The following TTN variants were observed in gnomAD, a reference collection of about 807,000 sequenced individuals.
TTN encodes connectin.
A neutral mutation model predicts 3,223.0 loss-of-function variants in TTN; 1,525 were observed. The observed-to-expected ratio is 0.47, with a 90% CI of 0.45 to 0.49. The LOEUF is 0.49. Among genes scored for constraint, TTN ranks in the 20% least tolerant of loss-of-function variants. The pLI is 0.00. For missense variants in TTN, 40,786 were observed against 43,424.0 expected (o/e 0.94, Z 5.40); for synonymous variants, 14,094 against 15,161.0 (o/e 0.93, Z 5.17).
chr2:178,622,971 G>A (rs2058520597), intron 242 of TTN, among the ~76,000 whole-genome samples: 1 of 151,822 alleles, frequency 6.6e-6, no homozygotes, highest in African/African-American at 2.4e-5. Flanking sequence ...ATAAAATTAT[G>A]TGGCATTCTA....
chr2:178,758,838 T>A lies in TTN; in HGVS notation c.10303+146A>T. 5 of 835,638 alleles carry A rather than the reference T, an allele frequency of 6.0e-6. 1 individual carries two copies. In the South Asian group the frequency reaches 7.5e-5, roughly 13 times the overall value. The allele number at this position is 835,638 out of a possible 1,614,324, so 51.8% of individuals were successfully genotyped here. ...AAGTGGTAAAGGAGAGGCGAGACCA[T>A]GGCATATAACAGGGAAATAATTAGT... is the stretch of plus-strand genomic sequence containing the variant. On this transcript the variant is annotated intron_variant, in intron 44 of 362. Coordinates refer to ENST00000589042, the MANE Select transcript of TTN (RefSeq NM_001267550.2).
At position 178,733,606 on chromosome 2, in the gene TTN, A is replaced by T. The variant is rs371673901; in HGVS notation, c.15775+8T>A. ...AGCAATTTGAGGTTTAAATGTTCCT[A>T]CACAAACCTTTAACTATTAATTCCC... On this transcript the variant is annotated splice_region_variant and intron_variant, in intron 53 of 362. Coordinates refer to ENST00000589042, the MANE Select transcript of TTN (RefSeq NM_001267550.2). 6.2e-7 allele frequency: 1 copy of T among 1,606,954 alleles called. No individual in the cohort carries two copies. The highest frequency in any genetic ancestry group is 8.5e-7 in the Non-Finnish European group (1 of 1,175,058).
chr2:178,621,576 C>T lies in TTN; in HGVS notation c.45248G>A (p.Arg15083Gln), dbSNP rs191551032. 2.3e-5 allele frequency: 37 copies of T among 1,612,322 alleles called. No homozygotes were observed. Among genetic ancestry groups the T allele is most frequent in the South Asian group, 9.9e-5 (9 of 91,054 alleles). Reference protein sequence around the residue: ...TGRYEILTEGRKRILVIQNAH... With the variant: ...TGRYEILTEGQKRILVIQNAH... ...GTTCTGAATGACCAGGATTCTCTTC[C>T]GTCCTTCAGTCAGTATTTCATATCT... The change falls in exon 245 of 363, where the codon CGG becomes CAG. Residue 15083 changes from arginine (R) to glutamine (Q), a missense_variant. Physicochemically the swap from Arg to Gln is conservative, Grantham distance 43 (BLOSUM62 1). Coordinates refer to ENST00000589042, the MANE Select transcript of TTN (RefSeq NM_001267550.2).
rs1025653722 is a variant in TTN at position 178,690,040 on chromosome 2, TAACTA to T, written c.31763-149_31763-145del. On this transcript the variant is annotated intron_variant, in intron 121 of 362. Coordinates refer to ENST00000589042, the MANE Select transcript of TTN (RefSeq NM_001267550.2). ...AGCAAAATTATCCAGAAAATTAAAC[TAACTA>T]TACTATTCCAAGGATCACAATGTGA... The T allele has an allele frequency of 1.2e-5, 8 of 658,894 alleles. 1 individual carries two copies. The highest frequency in any genetic ancestry group is 2.1e-5 in the Non-Finnish European group (8 of 380,306). 40.8% of individuals were successfully genotyped at this position (658,894 alleles called of 1,614,324 possible).
At chr2:178,543,048 T>C (rs1159089851) in intron 347 of TTN, 21 bp downstream of exon 347, 6 of 1,521,826 alleles carry the variant, frequency 3.9e-6, no homozygotes, top group Non-Finnish European at 5.3e-6. Context: ...TTTTTTTTTT[T>C]TTTGGCTATT....
rs1347510494 is a variant in TTN at position 178,600,960 on chromosome 2, G to A, written c.55944C>T (p.Asp18648=). ...DVEELQFTVE[D]LVEGGEYEFR... Reference sequence around the variant, plus strand: ...ATTCATATTCCCCACCCTCTACTAGGTCTTCAACAGTAAATTGCAGTTCTT... The same window carrying A: ...ATTCATATTCCCCACCCTCTACTAGATCTTCAACAGTAAATTGCAGTTCTT... The change falls in exon 288 of 363, where the codon GAC becomes GAT. Residue 18648 remains aspartate (D), a synonymous_variant. Coordinates refer to ENST00000589042, the MANE Select transcript of TTN (RefSeq NM_001267550.2). 1 of 1,612,936 alleles carries A rather than the reference G, an allele frequency of 6.2e-7. No individual in the cohort carries two copies. Among genetic ancestry groups the A allele is most frequent in the Admixed American group, 1.7e-5 (1 of 59,940 alleles).
In TTN at chr2:178,740,681, G is replaced by C; in HGVS notation, c.12552C>G (p.Ile4184Met). The C allele has an allele frequency of 6.2e-7, 1 of 1,613,860 alleles. No homozygotes were observed. Among genetic ancestry groups the C allele is most frequent in the South Asian group, 1.1e-5 (1 of 91,078 alleles). Residue 4184 changes from isoleucine (I) to methionine (M), a missense_variant, in exon 48 of 363, where the codon ATC becomes ATG. Coordinates refer to ENST00000589042, the MANE Select transcript of TTN (RefSeq NM_001267550.2). ...TQAVLSDTEK[I>M]FPSAMSIEQI... ...GTTCTATGGACATGGCACTTGGGAAGATTTTCTCGGTATCTGATAGAACTG... is the reference window on the plus strand; with the variant it reads ...GTTCTATGGACATGGCACTTGGGAACATTTTCTCGGTATCTGATAGAACTG...
In TTN at chr2:178,778,864, C is replaced by T; in HGVS notation, c.4208+10G>A. On this transcript the variant is annotated intron_variant, in intron 24 of 362. Coordinates refer to ENST00000589042, the MANE Select transcript of TTN (RefSeq NM_001267550.2). ...ACATACTAAATAACCCAAATTATTA[C>T]AAGTCTTACCTGATTCTGCTCACTG... 6.2e-7 allele frequency: 1 copy of T among 1,613,762 alleles called. No individual in the cohort carries two copies. Among genetic ancestry groups the T allele is most frequent in the African/African-American group, 1.3e-5 (1 of 75,014 alleles).
chr2:178,629,526 A>G, intron 239 of TTN, 83 bp from the exon 240 acceptor site: 2 of 1,586,002 alleles, frequency 1.3e-6, no homozygotes, highest in Non-Finnish European at 1.7e-6. Flanking sequence ...ATGAATCTTC[A>G]TGGTTGCTTT....
Position 178,773,294 on chromosome 2 carries a change from G to T in TTN, c.7670C>A (p.Ser2557Tyr). The T allele has an allele frequency of 6.2e-7, 1 of 1,613,922 alleles. No homozygotes were observed. Among genetic ancestry groups the T allele is most frequent in the Middle Eastern group, 1.6e-4 (1 of 6,062 alleles). ...CCACAGGACATCAATTCCAGAGTGGGACAGCTCAACCTCAAACACCACATT... is the reference window on the plus strand; with the variant it reads ...CCACAGGACATCAATTCCAGAGTGGTACAGCTCAACCTCAAACACCACATT... The part of the protein sequence containing the change: ...TQNVVFEVEL[S>Y]HSGIDVLWNF... The change falls in exon 33 of 363, where the codon TCC (serine) becomes TAC (tyrosine). Residue 2557 changes from serine to tyrosine, a missense_variant. Physicochemically the swap from Ser to Tyr is moderately radical, Grantham distance 144. Transcript: ENST00000589042.
chr2:178,791,821 C>T (rs528285176), intron 10 of TTN, among the ~76,000 whole-genome samples: 74 of 151,986 alleles, frequency 4.9e-4, no homozygotes, highest in Non-Finnish European at 8.5e-4. Context: ...TATGTATGTT[C>T]TAGAAAGTTC....
chr2:178,747,297 C>G (rs2083937328), intron 47 of TTN: 1 of 1,613,174 alleles, frequency 6.2e-7, no homozygotes. Flanking sequence ...CTTTCAGCAA[C>G]TTCCCCTAAA....
At chr2:178,730,033 G>GCCCCCCCCCCCCCCCC in intron 62 of TTN, 60 bp downstream of exon 62, 1 of 1,165,960 alleles carries the variant, frequency 8.6e-7, no homozygotes, top group Non-Finnish European at 1.2e-6. Context: ...CCCCGCCCCG[G>GCCCCCCCCCCCCCCCC]CCCACCCCAG....
intron 24 of TTN, 145 bp downstream of exon 24, chr2:178,778,729 T>C: frequency 8.7e-7 from 1 of 1,154,284 alleles, no homozygotes; most frequent in Admixed American, 2.1e-5. Flanking sequence ...AAATAAAAAC[T>C]TCTGGCAATT....
Position 178,767,699 on chromosome 2 carries a change from T to G in TTN, c.9471+60A>C, listed in dbSNP as rs2090724132. On this transcript the variant is annotated intron_variant, in intron 40 of 362. Transcript: ENST00000589042. Reference sequence around the variant, plus strand: ...AATGTAAAAGGGAAACATTAAAATATAAAATGATAGATTATGGACTACTGA... The same window carrying G: ...AATGTAAAAGGGAAACATTAAAATAGAAAATGATAGATTATGGACTACTGA... The G allele has an allele frequency of 5.0e-6, 8 of 1,597,262 alleles. No individual in the cohort carries two copies. In the South Asian group the frequency reaches 5.5e-5, roughly 11 times the overall value.
At position 178,551,702 on chromosome 2, in the gene TTN, A is replaced by G. The variant is rs753682966; in HGVS notation, c.91198T>C (p.Tyr30400His). The G allele has an allele frequency of 6.2e-7, 1 of 1,613,424 alleles. No homozygotes were observed. Among genetic ancestry groups the G allele is most frequent in the African/African-American group, 1.3e-5 (1 of 75,022 alleles). The change falls in exon 335 of 363, where the codon TAT becomes CAT. Residue 30400 changes from tyrosine to histidine, a missense_variant. Physicochemically the swap from Tyr to His is moderately conservative, Grantham distance 83 (BLOSUM62 2). Coordinates refer to ENST00000589042, the MANE Select transcript of TTN (RefSeq NM_001267550.2). ...VEGLDYQFRV[Y>H]AENSAGLSSP... The stretch of plus-strand genomic sequence containing the variant: ...CTTAGGCCAGCAGAATTTTCAGCAT[A>G]TACACGGAATTGGTAATCCAGACCT...
rs2052418644 is a variant in TTN, at chr2:178,598,610, A to C, written c.57007T>G (p.Ser19003Ala). ...GGAGACCACTCCAGATCTGCAGATG[A>C]TTTAGTCCAATCTGTCACTTTGGGA... ...PFPKVTDWTK[S>A]SADLEWSPPL... Residue 19003 changes from serine to alanine, a missense_variant, in exon 292 of 363, where the codon TCA becomes GCA. Physicochemically the swap from Ser to Ala is moderately conservative, Grantham distance 99. Transcript: ENST00000589042. 1 of 1,608,132 alleles carries C rather than the reference A, an allele frequency of 6.2e-7. No individual in the cohort carries two copies. Among genetic ancestry groups the C allele is most frequent in the East Asian group, 2.2e-5 (1 of 44,590 alleles).
At position 178,706,514 on chromosome 2, in the gene TTN, T is replaced by C; in HGVS notation, c.29360A>G (p.Gln9787Arg). The C allele has an allele frequency of 6.2e-7, 1 of 1,613,906 alleles. No homozygotes were observed. The highest frequency in any genetic ancestry group is 1.1e-5 in the South Asian group (1 of 91,070). ...HGEIESNVNL[Q>R]VDERKKQEKI... ...CTCTTGTTTCTTCCTTTCATCCACC[T>C]GTAAGTTAACATTACTTTCAATTTC... Residue 9787 changes from glutamine to arginine, a missense_variant, in exon 102 of 363, where the codon CAG (glutamine) becomes CGG (arginine). Physicochemically the swap from Gln to Arg is conservative, Grantham distance 43 (BLOSUM62 1). Transcript: ENST00000589042.
At chr2:178,691,859 T>C (rs534185467) in intron 121 of TTN, among the ~76,000 whole-genome samples, 157 bp downstream of exon 121, 92 of 152,300 alleles carry the variant, frequency 6.0e-4, no homozygotes, top group Admixed American at 5.0e-3. Context: ...AAATAAAGTA[T>C]GTCAAGAGCA....
Sources: gnomAD v4.1 joint callset for allele counts (sites outside exome capture counted in the v4.1 genomes callset) on GRCh38, gnomAD v4.1.1 for gene constraint, MANE v1.5 for transcripts, NCBI Gene and HGNC (gene_info 2026-07-23, HGNC 2026-07-21) for gene names.